Variants in RNFT2 observed in about 807,000 individuals in gnomAD.
The protein encoded by RNFT2 is E3 ubiquitin-protein ligase RNFT2.
RNFT2 carries 36 observed loss-of-function variants against 53.0 expected under a neutral mutation model. The observed-to-expected ratio is 0.68, with a 90% confidence interval of 0.52 to 0.90. The LOEUF is 0.90. RNFT2 is among the 40% of genes least tolerant of loss of function. RNFT2 has a pLI of 0.00. For missense variants in RNFT2, 514 were observed against 585.6 expected, an observed-to-expected ratio of 0.88 and a Z score of 1.26; for synonymous variants, 260 against 253.2, an observed-to-expected ratio of 1.03 and a Z score of -0.26.
At chr12:116,807,657 T>A (rs76489167) in intron 7 of RNFT2, among the ~76,000 whole-genome samples, 9,177 of 151,998 alleles carry the variant, frequency 0.06, 675 homozygotes, top group African/African-American at 0.17. Flanking sequence ...CAGCCACTGC[T>A]CCCTGTGCAC....
rs1468301516 is a variant in RNFT2, at chr12:116,852,473, G to T, written c.*3025G>T. 2.1e-6 allele frequency: 3 copies of T among 1,457,174 alleles called. No individual in the cohort carries two copies. Among genetic ancestry groups the T allele is most frequent in the South Asian group, 1.4e-5 (1 of 69,888 alleles). 90.3% of individuals were successfully genotyped at this position (1,457,174 alleles called of 1,614,324 possible). A position where few individuals can be genotyped will look rare whatever the true frequency, so the allele number is the denominator to read the frequency against. ...ATCTTTCAAGCTCCGTTACTATGGC[G>T]ATGGCCATGATGTTACAATCCCACT... is the stretch of plus-strand genomic sequence containing the variant. On this transcript the variant is annotated 3_prime_UTR_variant, in exon 11 of 11. Coordinates refer to ENST00000257575, the MANE Select transcript of RNFT2 (RefSeq NM_001382266.1).
chr12:116,750,338 A>G (rs1323378015), intron 4 of RNFT2, 31 bp downstream of exon 4: 1 of 1,567,966 alleles, frequency 6.4e-7, no homozygotes, highest in African/African-American at 1.4e-5. Context: ...TGTCCTAGCC[A>G]TGGGCTTCAC....
chr12:116,823,698 AT>A (rs1876179643), intron 7 of RNFT2, among the ~76,000 whole-genome samples: 1 of 152,162 alleles, frequency 6.6e-6, no homozygotes, highest in African/African-American at 2.4e-5. Context: ...AATAATAATA[AT>A]AATTCTTCTG....
intron 3 of RNFT2, among the ~76,000 whole-genome samples, chr12:116,743,639 A>G (rs1030811085): frequency 8.5e-5 from 13 of 152,150 alleles, no homozygotes; most frequent in African/African-American, 2.7e-4. Context: ...GACAGCCTCC[A>G]GCCCCAGAAG....
At chr12:116,820,856 G>T (rs144513613) in intron 7 of RNFT2, among the ~76,000 whole-genome samples, 102 of 152,262 alleles carry the variant, frequency 6.7e-4, no homozygotes, top group African/African-American at 2.1e-3. Flanking sequence ...TCTGGGGACA[G>T]CCTGCAGGTA....
intron 5 of RNFT2, among the ~76,000 whole-genome samples, chr12:116,759,330 A>G (rs1273664001): frequency 6.6e-6 from 1 of 152,130 alleles, no homozygotes; most frequent in Non-Finnish European, 1.5e-5. Context: ...TGATTAGCTT[A>G]ATAACTAACT....
chr12:116,749,727 G>A (rs1872082570), intron 3 of RNFT2, 114 bp from the exon 4 acceptor site: 8 of 920,478 alleles, frequency 8.7e-6, no homozygotes, highest in Non-Finnish European at 9.8e-6. Context: ...TGAATTTGAG[G>A]GGGACACAGC....
chr12:116,741,364 G>T (rs1407528185), intron 3 of RNFT2, among the ~76,000 whole-genome samples: 1 of 152,202 alleles, frequency 6.6e-6, no homozygotes, highest in Non-Finnish European at 1.5e-5. Context: ...GTCCATACAG[G>T]CTGCTATCAC....
chr12:116,801,884 C>T (rs1049093285), intron 7 of RNFT2, among the ~76,000 whole-genome samples: 27 of 152,062 alleles, frequency 1.8e-4, no homozygotes, highest in African/African-American at 6.0e-4. Flanking sequence ...TGCAGTGGTG[C>T]GATCTTGGCT....
intron 7 of RNFT2, among the ~76,000 whole-genome samples, chr12:116,786,286 TA>T (rs142101133): frequency 0.015 from 2,347 of 151,940 alleles, 74 homozygotes; most frequent in African/African-American, 0.053. Flanking sequence ...CACGCCTGGG[TA>T]ATTTTTGTAT....
Position 116,749,917 on chromosome 12 carries a change from G to T in RNFT2, c.160G>T (p.Ala54Ser). 1 of 1,585,158 alleles carries T rather than the reference G, an allele frequency of 6.3e-7. No homozygotes were observed. The highest frequency in any genetic ancestry group is 8.6e-7 in the Non-Finnish European group (1 of 1,165,680). The stretch of plus-strand genomic sequence containing the variant: ...CTTTGAGAGTCTGAAGGCAGAGGCA[G>T]CCTCCCCACCAGCGCTCTTCTCGGG... ...GVFESLKAEA[A>S]SPPALFSGLS... The change falls in exon 4 of 11, where the codon GCC (alanine) becomes TCC (serine). Residue 54 changes from alanine to serine, a missense_variant. Around this residue, in one of 3 missense-constraint regions of RNFT2, gnomAD observed 237 missense variants for 235.1 expected, o/e 1.01. Coordinates refer to ENST00000257575, the MANE Select transcript of RNFT2 (RefSeq NM_001382266.1).
At chr12:116,746,538 T>C (rs938945426) in intron 3 of RNFT2, among the ~76,000 whole-genome samples, 2 of 152,182 alleles carry the variant, frequency 1.3e-5, no homozygotes, top group Non-Finnish European at 2.9e-5. Context: ...AGGGAGATTT[T>C]AGCTGAAATC....
intron 7 of RNFT2, among the ~76,000 whole-genome samples, chr12:116,795,267 G>T (rs534106628): frequency 6.6e-6 from 1 of 151,992 alleles, no homozygotes. Context: ...AATTAGCCGG[G>T]TGTGGTGGCA....
At chr12:116,753,058 G>A (rs1271575102) in intron 4 of RNFT2, among the ~76,000 whole-genome samples, 3 of 151,416 alleles carry the variant, frequency 2.0e-5, no homozygotes, top group African/African-American at 7.3e-5. Flanking sequence ...GGTCATGTTT[G>A]TCTGTTAGCT....
chr12:116,824,456 A>G (rs1486740800), intron 7 of RNFT2, among the ~76,000 whole-genome samples: 2 of 152,178 alleles, frequency 1.3e-5, no homozygotes, highest in Non-Finnish European at 2.9e-5. Flanking sequence ...TTCTCATGTA[A>G]AGGCCAAAGA....
chr12:116,750,890 TAATATATATATATATATA>T (rs1872210671), intron 4 of RNFT2, among the ~76,000 whole-genome samples: 11 of 25,200 alleles, frequency 4.4e-4, no homozygotes, highest in African/African-American at 2.4e-3. Context: ...ATTATATATA[TAATATATATATATATATA>T]TTTTTTTTTG....
chr12:116,741,162 T>G, intron 3 of RNFT2, 68 bp downstream of exon 3: 1 of 1,261,102 alleles, frequency 7.9e-7, no homozygotes, highest in South Asian at 1.3e-5. Context: ...AACCCAAAAC[T>G]GGATTGAACA....
chr12:116,794,822 C>G (rs1044164883), intron 7 of RNFT2, among the ~76,000 whole-genome samples: 2 of 152,024 alleles, frequency 1.3e-5, no homozygotes, highest in African/African-American at 4.8e-5. Flanking sequence ...GAGTTCGGCT[C>G]GGCCACTGCC....
intron 4 of RNFT2, among the ~76,000 whole-genome samples, chr12:116,751,405 T>C (rs937180869): frequency 6.6e-6 from 1 of 152,076 alleles, no homozygotes; most frequent in African/African-American, 2.4e-5. Flanking sequence ...TATACTGTTT[T>C]CTGTTTGTTT....
Sources: allele counts gnomAD v4.1 joint callset (sites outside exome capture counted in the v4.1 genomes callset), GRCh38; gene constraint gnomAD v4.1.1; regional missense constraint gnomAD v4.1.1; transcripts MANE v1.5; gene names NCBI Gene and HGNC (gene_info 2026-07-23, HGNC 2026-07-21).